GID4: variants seen among roughly 807,000 people sequenced by gnomAD.
The protein encoded by GID4 is GID complex subunit 4 homolog.
Under a neutral mutation model 32.4 loss-of-function variants are expected in GID4, and 7 were observed. That is an observed-to-expected ratio of 0.22 (90% CI 0.12 to 0.41). The LOEUF is 0.41. GID4 is among the 10% of genes least tolerant of loss of function. The pLI is 1.00. For synonymous variants in GID4, 166 were observed against 170.0 expected, an observed-to-expected ratio of 0.98 and a Z score of 0.18; for missense variants, 309 against 400.0, an observed-to-expected ratio of 0.77 and a Z score of 1.94.
intron 5 of GID4, among the ~76,000 whole-genome samples, chr17:18,062,548 C>T (rs2045025658): frequency 1.3e-5 from 2 of 152,186 alleles, no homozygotes; most frequent in African/African-American, 4.8e-5. Context: ...AAGCACCTTG[C>T]TGTCCCCGGA....
Position 18,065,477 on chromosome 17 carries a change from C to T in GID4, c.*234C>T, listed in dbSNP as rs764069032. ...CCCCTCAGTGGCAGTTTGGTCTTCA[C>T]CTGTTTTTAAGCTACCTTAAACGCA... On this transcript the variant is annotated 3_prime_UTR_variant, in exon 6 of 6. Coordinates refer to ENST00000268719, the MANE Select transcript of GID4 (RefSeq NM_024052.5). 2.9e-5 allele frequency: 16 copies of T among 552,778 alleles called. No individual in the cohort carries two copies. The highest frequency in any genetic ancestry group is 4.9e-5 in the Non-Finnish European group (15 of 306,730). The allele number at this position is 552,778 out of a possible 1,614,324, so 34.2% of individuals were successfully genotyped here. A position where few individuals can be genotyped will look rare whatever the true frequency, so the allele number is the denominator to read the frequency against.
At chr17:18,051,721 C>G (rs1027607295) in intron 2 of GID4, among the ~76,000 whole-genome samples, 1 of 151,418 alleles carries the variant, frequency 6.6e-6, no homozygotes, top group Non-Finnish European at 1.5e-5. Context: ...AATGCAGGTG[C>G]TGATTTATTG....
At chr17:18,043,197 A>G (rs930607665) in intron 1 of GID4, among the ~76,000 whole-genome samples, 6 of 152,188 alleles carry the variant, frequency 3.9e-5, no homozygotes, top group African/African-American at 1.2e-4. Flanking sequence ...GCCGTTTGGT[A>G]AAAGCTGTAT....
Position 18,068,351 on chromosome 17 carries a change from G to A in GID4, c.*3108G>A, listed in dbSNP as rs1275501664. The A allele has an allele frequency of 6.6e-6, 1 of 151,000 alleles. No homozygotes were observed. The highest frequency in any genetic ancestry group is 2.5e-5 in the African/African-American group (1 of 40,696). The allele number at this position is 151,000 out of a possible 1,614,324, so 9.4% of individuals were successfully genotyped here. ...TTTGGGATGGGAGAAGTATTTTGCA[G>A]AGCTATCAATGTCCAAATAATTTAA... On this transcript the variant is annotated 3_prime_UTR_variant, in exon 6 of 6. Coordinates refer to ENST00000268719, the MANE Select transcript of GID4 (RefSeq NM_024052.5).
chr17:18,044,633 A>G (rs920584667), intron 1 of GID4, among the ~76,000 whole-genome samples: 11 of 152,226 alleles, frequency 7.2e-5, no homozygotes, highest in Non-Finnish European at 1.2e-4. Flanking sequence ...CAGTCTGCCC[A>G]TTTCATAAAG....
chr17:18,056,664 T>G, intron 3 of GID4: 1 of 1,536,186 alleles, frequency 6.5e-7, no homozygotes. Context: ...ATTAAATACT[T>G]GGAAAGCAAC....
rs113803887 is a variant in GID4, at chr17:18,068,374, T to TAA, written c.*3141_*3142dup. ...CAGAGCTATCAATGTCCAAATAATT[T>TAA]AAAAAAAAAAATAAAGGTATTTAAG... On this transcript the variant is annotated 3_prime_UTR_variant, in exon 6 of 6. Coordinates refer to ENST00000268719, the MANE Select transcript of GID4 (RefSeq NM_024052.5). The TAA allele has an allele frequency of 0.54, 81,145 of 150,356 alleles. 23,188 individuals carry two copies. The highest frequency in any genetic ancestry group is 0.66 in the Non-Finnish European group (44,531 of 67,500). The allele number at this position is 150,356 out of a possible 1,614,324, so 9.3% of individuals were successfully genotyped here.
At chr17:18,064,774 T>A (rs901407554) in intron 5 of GID4, among the ~76,000 whole-genome samples, 8 of 152,140 alleles carry the variant, frequency 5.3e-5, no homozygotes, top group Admixed American at 3.3e-4. Flanking sequence ...GAGAATCAGT[T>A]TATGCCTATG....
In GID4 at chr17:18,045,218, C is replaced by G; in HGVS notation, c.498+12C>G. On this transcript the variant is annotated intron_variant, in intron 2 of 5. Coordinates refer to ENST00000268719, the MANE Select transcript of GID4 (RefSeq NM_024052.5). ...AAGGCCTTACTGAGGTAAGCACTTG[C>G]TCACACAAACCAGCACTAGAAAGTC... 6.2e-7 allele frequency: 1 copy of G among 1,608,832 alleles called. No homozygotes were observed. Among genetic ancestry groups the G allele is most frequent in the South Asian group, 1.1e-5 (1 of 91,000 alleles).
rs2045052071 is a variant in GID4 at position 18,065,394 on chromosome 17, A to C, written c.*151A>C. ...CAAAGCATGAATGTTAACCCACAGA[A>C]TCCAAGGAGCATGGCTGGCCCGTGG... On this transcript the variant is annotated 3_prime_UTR_variant, in exon 6 of 6. Transcript: ENST00000268719. The C allele has an allele frequency of 3.0e-6, 2 of 675,464 alleles. No individual in the cohort carries two copies. The highest frequency in any genetic ancestry group is 3.5e-5 in the African/African-American group (2 of 56,600). The allele number at this position is 675,464 out of a possible 1,614,324, so 41.8% of individuals were successfully genotyped here.
In GID4 at chr17:18,044,730, A is replaced by T. The variant is rs1254180168; in HGVS notation, c.439-417A>T. 2.0e-5 allele frequency among the ~76,000 whole-genome samples: 3 copies of T among 152,220 alleles called. No homozygotes were observed. The South Asian group carries it at 6.2e-4, about 32-fold the overall frequency. On this transcript the variant is annotated intron_variant, in intron 1 of 5. Transcript: ENST00000268719. ...GATTGAGCAATACAGAAATAGAAAA[A>T]GGCTTGAAAGACATTAGAAAGAAAG...
chr17:18,040,320 G>A (rs1319463554), intron 1 of GID4, among the ~76,000 whole-genome samples: 1 of 152,188 alleles, frequency 6.6e-6, no homozygotes, highest in Non-Finnish European at 1.5e-5. Flanking sequence ...CCCTCCCCAT[G>A]TCTGGGCCCA....
At chr17:18,062,570 G>C (rs950324001) in intron 5 of GID4, among the ~76,000 whole-genome samples, 22 of 152,154 alleles carry the variant, frequency 1.4e-4, no homozygotes, top group Non-Finnish European at 2.6e-4. Context: ...GGCAAACCAT[G>C]TGATAAAATG....
chr17:18,053,471 G>A (rs1450285461), intron 2 of GID4, among the ~76,000 whole-genome samples: 2 of 151,998 alleles, frequency 1.3e-5, no homozygotes, highest in Non-Finnish European at 2.9e-5. Flanking sequence ...ACATTAGGTG[G>A]GCGTGGTGGC....
chr17:18,047,054 G>A (rs1004902438), intron 2 of GID4, among the ~76,000 whole-genome samples: 4 of 152,196 alleles, frequency 2.6e-5, no homozygotes, highest in African/African-American at 9.6e-5. Flanking sequence ...CTCTTGTAAA[G>A]TCCTGATGAG....
At chr17:18,056,672 A>C in intron 3 of GID4, 1 of 1,539,306 alleles carries the variant, frequency 6.5e-7, no homozygotes, top group South Asian at 1.2e-5. Flanking sequence ...CTTGGAAAGC[A>C]ACTCTTAATT....
chr17:18,052,079 C>G lies in GID4; in HGVS notation c.499-2048C>G, dbSNP rs1260422726. Among the ~76,000 whole-genome samples, 6 of 110,640 alleles carry G rather than the reference C, an allele frequency of 5.4e-5. No individual in the cohort carries two copies. The South Asian group carries it at 7.2e-4, about 13-fold the overall frequency. The allele number at this position is 110,640 out of a possible 152,430, so 72.6% of individuals were successfully genotyped here. Reference sequence around the variant, plus strand: ...ACAGAGCAAGACTCTGTCCCTCCCCCCAAAAAAAAAAAAAAAAGTTAGCTT... The same window carrying G: ...ACAGAGCAAGACTCTGTCCCTCCCCGCAAAAAAAAAAAAAAAAGTTAGCTT... On this transcript the variant is annotated intron_variant, in intron 2 of 5. Coordinates refer to ENST00000268719, the MANE Select transcript of GID4 (RefSeq NM_024052.5).
intron 4 of GID4, among the ~76,000 whole-genome samples, chr17:18,060,400 C>CAA (rs919974638): frequency 9.2e-4 from 42 of 45,530 alleles, no homozygotes; most frequent in Middle Eastern, 0.013. Flanking sequence ...TCTGTCTCAC[C>CAA]AAAAAAAAAA....
intron 3 of GID4, 64 bp from the exon 4 acceptor site, chr17:18,058,804 C>A: frequency 9.6e-7 from 1 of 1,041,302 alleles, no homozygotes; most frequent in Non-Finnish European, 1.5e-6. Context: ...GGCACATAAG[C>A]ATAGTTCTGA....
Sources: allele counts gnomAD v4.1 joint callset (sites outside exome capture counted in the v4.1 genomes callset), GRCh38; gene constraint gnomAD v4.1.1; transcripts MANE v1.5; gene names NCBI Gene and HGNC (gene_info 2026-07-23, HGNC 2026-07-21).